The following RARB variants were observed in gnomAD, a reference collection of about 807,000 sequenced individuals.
The protein encoded by RARB is retinoic acid receptor beta.
Under a neutral mutation model 51.9 loss-of-function variants are expected in RARB, and 17 were observed. The ratio of observed to expected loss-of-function variants is 0.33; its 90% confidence interval spans 0.22 to 0.49. The LOEUF (loss-of-function observed/expected upper bound fraction) is 0.49. Among genes scored for constraint, RARB ranks in the 20% least tolerant of loss-of-function variants. The pLI, the probability that RARB is intolerant of heterozygous loss-of-function variation, is 0.99. For synonymous variants in RARB, 215 were observed against 195.4 expected (o/e 1.10, Z -0.84); for missense variants, 369 against 550.8 (o/e 0.67, Z 3.30).
chr3:25,373,725 A>G (rs952034154), intron 5 of RARB, among the ~76,000 whole-genome samples: 1 of 152,120 alleles, frequency 6.6e-6, no homozygotes, highest in African/African-American at 2.4e-5. Flanking sequence ...ATGGCGGGGA[A>G]TGGACCACAG....
intron 2 of RARB, among the ~76,000 whole-genome samples, chr3:25,499,920 C>T (rs910946417): frequency 6.6e-6 from 1 of 152,256 alleles, no homozygotes; most frequent in South Asian, 2.1e-4. Context: ...CTACACTAGA[C>T]AAAAATTATG....
Position 24,976,782 on chromosome 3 carries a change from A to G in RARB, c.-379-83343A>G, listed in dbSNP as rs560713178. 1.2e-4 allele frequency among the ~76,000 whole-genome samples: 18 copies of G among 152,206 alleles called. No individual in the cohort carries two copies. The South Asian group carries it at 3.1e-3, about 26-fold the overall frequency. On this transcript the variant is annotated intron_variant, in intron 2 of 11. Transcript: ENST00000383772. Reference sequence around the variant, plus strand: ...TAGTTTAATTAGATCCCATTTGTCAATTTTGGCTTTTGCTGCCATTGCTTT... The same window carrying G: ...TAGTTTAATTAGATCCCATTTGTCAGTTTTGGCTTTTGCTGCCATTGCTTT...
At chr3:25,290,845 C>G (rs977141429) in intron 5 of RARB, among the ~76,000 whole-genome samples, 1 of 152,130 alleles carries the variant, frequency 6.6e-6, no homozygotes, top group Non-Finnish European at 1.5e-5. Flanking sequence ...CTTGCTTTCC[C>G]CAGAACATAA....
At chr3:25,479,099 C>T (rs753632807) in intron 2 of RARB, among the ~76,000 whole-genome samples, 1 of 151,886 alleles carries the variant, frequency 6.6e-6, no homozygotes, top group Non-Finnish European at 1.5e-5. Flanking sequence ...GGCATGAATT[C>T]TGTACATATT....
At position 25,130,003 on chromosome 3, in the gene RARB, G is replaced by A. The variant is rs140595946; in HGVS notation, c.-327-2158G>A. On this transcript the variant is annotated intron_variant, in intron 3 of 11. Coordinates refer to the RARB transcript ENST00000383772. ...AAATCTTTGGATTTGAAAACTCAGC[G>A]TGGAGTATCTTTAGGAAGACCCTAT... Among the ~76,000 whole-genome samples, 216 of 152,158 alleles carry A rather than the reference G, an allele frequency of 1.4e-3. 2 individuals are homozygous for A. The highest frequency in any genetic ancestry group is 6.8e-3 in the Middle Eastern group (2 of 294).
chr3:25,413,647 C>CTTGTTTT (rs373691891), intron 5 of RARB, among the ~76,000 whole-genome samples: 70 of 151,380 alleles, frequency 4.6e-4, no homozygotes, highest in African/African-American at 1.3e-3. Flanking sequence ...CCCTTGGTAT[C>CTTGTTTT]TTGTTTTTTG....
chr3:25,377,297 G>C (rs909124255), intron 5 of RARB, among the ~76,000 whole-genome samples: 10 of 152,088 alleles, frequency 6.6e-5, no homozygotes, highest in Non-Finnish European at 1.3e-4. Flanking sequence ...ATTGAAAAGG[G>C]GACTTGAGAA....
chr3:25,277,710 C>T (rs141278262), intron 5 of RARB, among the ~76,000 whole-genome samples: 2 of 152,168 alleles, frequency 1.3e-5, no homozygotes, highest in Non-Finnish European at 2.9e-5. Flanking sequence ...GCTTACTTAG[C>T]AAAATAGAAG....
chr3:25,529,884 C>T (rs1698821107), intron 3 of RARB, among the ~76,000 whole-genome samples: 1 of 152,152 alleles, frequency 6.6e-6, no homozygotes. Flanking sequence ...TACAGCTACG[C>T]AAGGTACTCA....
At chr3:25,363,273 T>C (rs1706009809) in intron 5 of RARB, among the ~76,000 whole-genome samples, 1 of 152,160 alleles carries the variant, frequency 6.6e-6, no homozygotes, top group African/African-American at 2.4e-5. Flanking sequence ...GCTAGTCTGA[T>C]GGCTCTCCAT....
chr3:25,562,766 G>A (rs1016482133), intron 3 of RARB, among the ~76,000 whole-genome samples: 15 of 152,134 alleles, frequency 9.9e-5, no homozygotes, highest in African/African-American at 1.4e-4. Context: ...AAATGAATGC[G>A]ACCACAGTAG....
intron 3 of RARB, among the ~76,000 whole-genome samples, chr3:25,508,431 G>A (rs1261969696): frequency 6.6e-6 from 1 of 152,100 alleles, no homozygotes; most frequent in Non-Finnish European, 1.5e-5. Flanking sequence ...TGGACTAAAG[G>A]CACTTAACCT....
intron 3 of RARB, among the ~76,000 whole-genome samples, chr3:25,082,099 A>T (rs976527782): frequency 1.3e-5 from 2 of 152,072 alleles, no homozygotes; most frequent in Non-Finnish European, 2.9e-5. Context: ...ACTAGTTTCC[A>T]TTATATATTT....
At chr3:25,182,555 G>A (rs1488623004) in intron 5 of RARB, among the ~76,000 whole-genome samples, 2 of 152,138 alleles carry the variant, frequency 1.3e-5, no homozygotes. Context: ...TCACTCTTCT[G>A]ATATATATTT....
At chr3:25,056,980 G>T (rs1167200728) in intron 2 of RARB, among the ~76,000 whole-genome samples, 1 of 152,004 alleles carries the variant, frequency 6.6e-6, no homozygotes, top group Non-Finnish European at 1.5e-5. Flanking sequence ...AGCCTTCATT[G>T]TTAGATGTTC....
intron 2 of RARB, among the ~76,000 whole-genome samples, chr3:24,900,116 T>A (rs986410510): frequency 4.6e-5 from 7 of 152,208 alleles, no homozygotes; most frequent in Non-Finnish European, 8.8e-5. Context: ...AGGGCAGCAA[T>A]AATAGCAGCA....
chr3:25,398,126 C>A (rs1165259231), intron 5 of RARB, among the ~76,000 whole-genome samples: 1 of 152,000 alleles, frequency 6.6e-6, no homozygotes, highest in Non-Finnish European at 1.5e-5. Flanking sequence ...GCACTAGTTT[C>A]CACCAAAATA....
intron 1 of RARB, among the ~76,000 whole-genome samples, chr3:25,452,252 A>G (rs979984852): frequency 5.3e-5 from 8 of 152,224 alleles, no homozygotes; most frequent in Admixed American, 2.6e-4. Flanking sequence ...AACCTATGAG[A>G]TATTTTTGAA....
chr3:25,536,129 A>G (rs1699131760), intron 3 of RARB, among the ~76,000 whole-genome samples: 1 of 152,222 alleles, frequency 6.6e-6, no homozygotes, highest in African/African-American at 2.4e-5. Flanking sequence ...ATATCTCACC[A>G]TTCAAAACAT....
Sources: gnomAD v4.1 joint callset for allele counts (sites outside exome capture counted in the v4.1 genomes callset) on GRCh38, gnomAD v4.1.1 for gene constraint, MANE v1.5 for transcripts, NCBI Gene and HGNC (gene_info 2026-07-23, HGNC 2026-07-21) for gene names.